Variants in KCNG4 observed in about 807,000 individuals in gnomAD.
KCNG4 encodes the protein potassium voltage-gated channel modifier subfamily G member 4.
KCNG4 carries 30 observed loss-of-function variants against 28.2 expected under a neutral mutation model. The ratio of observed to expected loss-of-function variants is 1.06; its 90% CI spans 0.80 to 1.44. KCNG4 has a LOEUF of 1.44. Ranked by LOEUF, KCNG4 falls within the 40% of genes most tolerant of loss-of-function variation. The pLI is 0.00. For missense variants in KCNG4, 879 were observed against 712.3 expected, an observed-to-expected ratio of 1.23 and a Z score of -2.66; for synonymous variants, 375 against 315.5, an observed-to-expected ratio of 1.19 and a Z score of -2.00.
chr16:84,236,409 A>G (rs1904949403), intron 2 of KCNG4: 1 of 446,052 alleles, frequency 2.2e-6, no homozygotes, highest in Non-Finnish European at 3.9e-6. Context: ...ATTTGCCTGT[A>G]GTCACAGACT....
rs908044550 is a variant in KCNG4, at chr16:84,226,685, C to A, written c.757-3665G>T. Among the ~76,000 whole-genome samples the A allele has an allele frequency of 2.4e-5, 3 of 123,000 alleles. No homozygotes were observed. Among genetic ancestry groups the A allele is most frequent in the Non-Finnish European group, 5.6e-5 (3 of 53,856 alleles). The allele number at this position is 123,000 out of a possible 152,430, so 80.7% of individuals were successfully genotyped here. ...CCTGAGGTCAGGAGTTCGAGACCAG[C>A]CTGACCAATATGGTGAAACCTTGTC... On this transcript the variant is annotated intron_variant, in intron 2 of 2. Coordinates refer to ENST00000308251, the MANE Select transcript of KCNG4 (RefSeq NM_172347.3). This position sits in a 1 kb window ranked among gnomAD's most constrained non-coding sequence, Gnocchi z 4.1.
intron 2 of KCNG4, among the ~76,000 whole-genome samples, chr16:84,233,267 G>A (rs1567626453): frequency 6.6e-6 from 1 of 152,188 alleles, no homozygotes; most frequent in African/African-American, 2.4e-5. Flanking sequence ...TTAGTCATGG[G>A]TGAGGCCAAG....
intron 1 of KCNG4, among the ~76,000 whole-genome samples, chr16:84,238,282 T>G (rs926641705): frequency 6.6e-6 from 1 of 152,210 alleles, no homozygotes; most frequent in Non-Finnish European, 1.5e-5. Flanking sequence ...AGCAAGCACC[T>G]GACATCAGGA....
Position 84,222,900 on chromosome 16 carries a change from C to A in KCNG4, c.877G>T (p.Gly293Trp). ...QAQDKCQFFQ[G>W]PLNIIDILAI... Reference sequence around the variant, plus strand: ...AGGATGTCGATGATGTTCAGGGGCCCCTGGAAGAACTGACACTTGTCTTGG... The same window carrying A: ...AGGATGTCGATGATGTTCAGGGGCCACTGGAAGAACTGACACTTGTCTTGG... The change falls in exon 3 of 3, where the codon GGG (glycine) becomes TGG (tryptophan). Residue 293 changes from glycine to tryptophan, a missense_variant. Coordinates refer to ENST00000308251, the MANE Select transcript of KCNG4 (RefSeq NM_172347.3). 1.9e-6 allele frequency: 3 copies of A among 1,611,548 alleles called. No homozygotes were observed. Among genetic ancestry groups the A allele is most frequent in the Non-Finnish European group, 1.7e-6 (2 of 1,178,232 alleles).
rs750531265 is a variant in KCNG4, at chr16:84,222,738, C to T, written c.1039G>A (p.Val347Met). The T allele has an allele frequency of 7.4e-6, 12 of 1,612,728 alleles. No homozygotes were observed. Among genetic ancestry groups the T allele is most frequent in the Admixed American group, 5.0e-5 (3 of 59,880 alleles). Residue 347 changes from valine to methionine, a missense_variant, in exon 3 of 3, where the codon GTG becomes ATG. Transcript: ENST00000308251. ...RVLRALRILY[V>M]MRLARHSLGL... Reference sequence around the variant, plus strand: ...AGCGAGTGGCGAGCCAGGCGCATCACGTAGAGGATGCGCAGCGCTCGCAGC... The same window carrying T: ...AGCGAGTGGCGAGCCAGGCGCATCATGTAGAGGATGCGCAGCGCTCGCAGC...
At position 84,222,033 on chromosome 16, in the gene KCNG4, A is replaced by G. The variant is rs1904574126; in HGVS notation, c.*184T>C. The G allele has an allele frequency of 4.6e-6, 3 of 649,246 alleles. No homozygotes were observed. Among genetic ancestry groups the G allele is most frequent in the Non-Finnish European group, 2.7e-6 (1 of 372,472 alleles). 40.2% of individuals were successfully genotyped at this position (649,246 alleles called of 1,614,324 possible). A position where few individuals can be genotyped will look rare whatever the true frequency, so the allele number is the denominator to read the frequency against. Reference sequence around the variant, plus strand: ...GCAGGCTGGACACAGTCAGCCTGGGACATCGGGGCCCCGAGGGACAAGGAT... The same window carrying G: ...GCAGGCTGGACACAGTCAGCCTGGGGCATCGGGGCCCCGAGGGACAAGGAT... On this transcript the variant is annotated 3_prime_UTR_variant, in exon 3 of 3. Transcript: ENST00000308251.
chr16:84,239,512 G>T lies in KCNG4; in HGVS notation c.-41+158C>A, dbSNP rs74632463. Among the ~76,000 whole-genome samples, 668 of 152,206 alleles carry T rather than the reference G, an allele frequency of 4.4e-3. 7 individuals are homozygous for T. Among genetic ancestry groups the T allele is most frequent in the African/African-American group, 0.016 (650 of 41,506 alleles). The stretch of plus-strand genomic sequence containing the variant: ...GAATAAACCCAATTTTGCCATCTAC[G>T]GCTCTCCAAACAGCTGGCAAACAGC... On this transcript the variant is annotated intron_variant, in intron 1 of 2. Coordinates refer to ENST00000308251, the MANE Select transcript of KCNG4 (RefSeq NM_172347.3).
intron 2 of KCNG4, among the ~76,000 whole-genome samples, chr16:84,225,483 G>C (rs917732945): frequency 1.3e-5 from 2 of 152,186 alleles, no homozygotes; most frequent in Non-Finnish European, 2.9e-5. Context: ...CCTTAGGGTG[G>C]GGCCCGGGAA....
In KCNG4 at chr16:84,224,403, T is replaced by TACACACACACACAC. The variant is rs58296563; in HGVS notation, c.757-1397_757-1384dup. Among the ~76,000 whole-genome samples the TACACACACACACAC allele has an allele frequency of 9.7e-3, 568 of 58,636 alleles. 2 individuals are homozygous for TACACACACACACAC. Among genetic ancestry groups the TACACACACACACAC allele is most frequent in the African/African-American group, 0.017 (242 of 14,068 alleles). The allele number at this position is 58,636 out of a possible 152,430, so 38.5% of individuals were successfully genotyped here. A position where few individuals can be genotyped will look rare whatever the true frequency, so the allele number is the denominator to read the frequency against. ...GGTAGAAAACTTTGCTATACATATT[T>TACACACACACACAC]ACACACACACACACACACACACACA... On this transcript the variant is annotated intron_variant, in intron 2 of 2. Transcript: ENST00000308251.
chr16:84,233,430 C>T (rs553169304), intron 2 of KCNG4, among the ~76,000 whole-genome samples: 1 of 152,122 alleles, frequency 6.6e-6, no homozygotes, highest in Non-Finnish European at 1.5e-5. Context: ...GGGCTGGGCA[C>T]GGTGGTTCAT....
chr16:84,225,531 A>C (rs1904677237), intron 2 of KCNG4, among the ~76,000 whole-genome samples: 1 of 152,238 alleles, frequency 6.6e-6, no homozygotes, highest in Non-Finnish European at 1.5e-5. Flanking sequence ...ACTCTGAGGC[A>C]CCTGGAAGGT....
Position 84,226,485 on chromosome 16 carries a change from T to C in KCNG4, c.757-3465A>G, listed in dbSNP as rs1372600652. On this transcript the variant is annotated intron_variant, in intron 2 of 2. Transcript: ENST00000308251. This position sits in a 1 kb window ranked among gnomAD's most constrained non-coding sequence, Gnocchi z 4.1. ...TACACCTAGGATTTGTGCATTTCAG[T>C]GTATGTACATTTCACCTGTAAAACT... Among the ~76,000 whole-genome samples the C allele has an allele frequency of 6.6e-6, 1 of 152,126 alleles. No homozygotes were observed. The highest frequency in any genetic ancestry group is 1.5e-5 in the Non-Finnish European group (1 of 68,010).
chr16:84,237,543 A>G lies in KCNG4; in HGVS notation c.-40-18T>C. The G allele has an allele frequency of 7.0e-7, 1 of 1,420,400 alleles. No homozygotes were observed. The highest frequency in any genetic ancestry group is 9.2e-7 in the Non-Finnish European group (1 of 1,085,878). 88.0% of individuals were successfully genotyped at this position (1,420,400 alleles called of 1,614,324 possible). A position where few individuals can be genotyped will look rare whatever the true frequency, so the allele number is the denominator to read the frequency against. ...TTACCAGTCTGACACCCAAGGGACA[A>G]AGAGCAAGCAAAAGGAAGGGAAATC... On this transcript the variant is annotated intron_variant, in intron 1 of 2. Transcript: ENST00000308251.
In KCNG4 at chr16:84,236,847, G is replaced by C. The variant is rs1318471974; in HGVS notation, c.639C>G (p.Asn213Lys). The C allele has an allele frequency of 6.2e-7, 1 of 1,613,476 alleles. No homozygotes were observed. Among genetic ancestry groups the C allele is most frequent in the Non-Finnish European group, 8.5e-7 (1 of 1,180,040 alleles). ...CCTTCCCGGGCAGCCCGGACTGCGG[G>C]TTTTCCACCATCTCGCGCAGCCGGT... is the stretch of plus-strand genomic sequence containing the variant. ...CMNRLREMVENPQSGLPGKVF... is the reference protein window; with the variant it reads ...CMNRLREMVEKPQSGLPGKVF... Residue 213 changes from asparagine to lysine, a missense_variant, in exon 2 of 3, where the codon AAC becomes AAG. Transcript: ENST00000308251.
At position 84,237,470 on chromosome 16, in the gene KCNG4, T is replaced by C. The variant is rs1471388385; in HGVS notation, c.16A>G (p.Arg6Gly). The part of the protein sequence containing the change: MPMPS[R>G]DGGLHPRHHH... ...TGTCTGGGATGCAGGCCCCCGTCTC[T>C]GGAAGGCATGGGCATTGCTGAAGAC... is the stretch of plus-strand genomic sequence containing the variant. The change falls in exon 2 of 3, where the codon AGA (arginine) becomes GGA (glycine). Residue 6 changes from arginine (R) to glycine (G), a missense_variant. By Grantham distance (125) the Arg-to-Gly change is moderately radical. Coordinates refer to ENST00000308251, the MANE Select transcript of KCNG4 (RefSeq NM_172347.3). 18 of 1,498,168 alleles carry C rather than the reference T, an allele frequency of 1.2e-5. No homozygotes were observed. The highest frequency in any genetic ancestry group is 1.5e-5 in the Non-Finnish European group (17 of 1,124,118). 92.8% of individuals were successfully genotyped at this position (1,498,168 alleles called of 1,614,324 possible).
chr16:84,233,124 T>C (rs2151339133), intron 2 of KCNG4, among the ~76,000 whole-genome samples: 1 of 152,288 alleles, frequency 6.6e-6, no homozygotes, highest in African/African-American at 2.4e-5. Flanking sequence ...GCTGAGCACC[T>C]CCGTGTTTCG....
At chr16:84,239,197 G>A (rs376526424) in intron 1 of KCNG4, among the ~76,000 whole-genome samples, 6 of 151,952 alleles carry the variant, frequency 3.9e-5, no homozygotes, top group African/African-American at 7.2e-5. Flanking sequence ...AGAGTGAATC[G>A]TAACCTATTT....
chr16:84,229,563 C>T (rs551627816), intron 2 of KCNG4, among the ~76,000 whole-genome samples: 5 of 152,358 alleles, frequency 3.3e-5, no homozygotes, highest in African/African-American at 1.2e-4. Context: ...GTGCTGGTGT[C>T]CCGTCAGCAG....
At position 84,226,793 on chromosome 16, in the gene KCNG4, G is replaced by C. The variant is rs971552247; in HGVS notation, c.757-3773C>G. Among the ~76,000 whole-genome samples, 1 of 151,744 alleles carries C rather than the reference G, an allele frequency of 6.6e-6. No homozygotes were observed. Among genetic ancestry groups the C allele is most frequent in the African/African-American group, 2.4e-5 (1 of 41,316 alleles). On this transcript the variant is annotated intron_variant, in intron 2 of 2. Transcript: ENST00000308251. This position sits in a 1 kb window ranked among gnomAD's most constrained non-coding sequence, Gnocchi z 4.1. ...ACTTGGCGGGCTGAGGCAGGAGAAT[G>C]GCTTGGACCTGGTAGGCGGAGGTTG...
Sources: gnomAD v4.1 joint callset for allele counts (sites outside exome capture counted in the v4.1 genomes callset) on GRCh38, gnomAD v4.1.1 for gene constraint, Gnocchi (gnomAD v3.1) non-coding constraint, MANE v1.5 for transcripts, NCBI Gene and HGNC (gene_info 2026-07-23, HGNC 2026-07-21) for gene names.